The following NLRC3 variants were observed in gnomAD, a reference collection of about 807,000 sequenced individuals.
NLRC3 encodes NLR family CARD domain-containing protein 3.
A neutral mutation model predicts 91.6 loss-of-function variants in NLRC3; 87 were observed. That is an observed-to-expected ratio of 0.95 (90% CI 0.80 to 1.14). NLRC3 has a LOEUF of 1.14. Ranked by LOEUF, NLRC3 falls within the 50% of genes most tolerant of loss-of-function variation. NLRC3 has a pLI of 0.00. For missense variants in NLRC3, 1,577 were observed against 1,418.6 expected (o/e 1.11, Z -1.79); for synonymous variants, 694 against 625.3 (o/e 1.11, Z -1.64).
chr16:3,547,302 C>T (rs1300909381), intron 15 of NLRC3, among the ~76,000 whole-genome samples: 2 of 152,178 alleles, frequency 1.3e-5, no homozygotes, highest in South Asian at 2.1e-4. Context: ...CAAAAGGCCA[C>T]GTGTCGTATG....
At chr16:3,559,795 C>T (rs1410748700) in intron 6 of NLRC3, among the ~76,000 whole-genome samples, 1 of 151,910 alleles carries the variant, frequency 6.6e-6, no homozygotes, top group Non-Finnish European at 1.5e-5. Context: ...CCCACCACCA[C>T]CACGACTGGC....
Position 3,543,457 on chromosome 16 carries a change from G to T in NLRC3, c.2907C>A (p.Ala969=). Residue 969 remains alanine (A), a synonymous_variant, in exon 17 of 20, where the codon GCC becomes GCA. Coordinates refer to ENST00000359128, the MANE Select transcript of NLRC3 (RefSeq NM_178844.4). The part of the protein sequence containing the change: ...GASGAQVLGE[A]LAVNRTLEIL... The stretch of plus-strand genomic sequence containing the variant: ...TCTCCAAGGTTCTGTTCACAGCCAA[G>T]GCTTCCCCTAGCACCTGGGCGCCTG... 6.2e-7 allele frequency: 1 copy of T among 1,613,112 alleles called. No homozygotes were observed. The highest frequency in any genetic ancestry group is 8.5e-7 in the Non-Finnish European group (1 of 1,179,432).
chr16:3,571,001 G>A (rs2040078716), intron 1 of NLRC3, among the ~76,000 whole-genome samples: 1 of 152,120 alleles, frequency 6.6e-6, no homozygotes, highest in South Asian at 2.1e-4. Flanking sequence ...TTCCATATAT[G>A]TAAAAAATGT....
intron 5 of NLRC3, among the ~76,000 whole-genome samples, chr16:3,562,297 T>C (rs1413190744): frequency 1.3e-5 from 2 of 152,166 alleles, no homozygotes; most frequent in Non-Finnish European, 2.9e-5. Context: ...GGTGGGGCCA[T>C]GCTGAAGTGG....
chr16:3,574,007 C>CTTTTTTTTTTTTTT (rs35126359), intron 1 of NLRC3, among the ~76,000 whole-genome samples: 3 of 40,410 alleles, frequency 7.4e-5, no homozygotes, highest in African/African-American at 1.0e-4. Context: ...ACCATTTTAT[C>CTTTTTTTTTTTTTT]TTTTTTTTTT....
chr16:3,576,121 G>C (rs2040282583), intron 1 of NLRC3, among the ~76,000 whole-genome samples: 1 of 152,196 alleles, frequency 6.6e-6, no homozygotes, highest in Admixed American at 6.5e-5. Flanking sequence ...GGTGCAGCCT[G>C]CAGCCTGTGA....
At position 3,556,945 on chromosome 16, in the gene NLRC3, C is replaced by G. The variant is rs746033653; in HGVS notation, c.2149G>C (p.Ala717Pro). ...GPQGAKALAD[A>P]LKINRTLTSL... The stretch of plus-strand genomic sequence containing the variant: ...GTCAGGGTGCGGTTGATCTTCAAAG[C>G]GTCTGCCAGCGCCTTGGCCCCTTGT... The change falls in exon 8 of 20, where the codon GCT becomes CCT. Residue 717 changes from alanine to proline, a missense_variant. Transcript: ENST00000359128. 1 of 1,613,670 alleles carries G rather than the reference C, an allele frequency of 6.2e-7. No individual in the cohort carries two copies. Among genetic ancestry groups the G allele is most frequent in the African/African-American group, 1.3e-5 (1 of 74,918 alleles).
chr16:3,573,534 C>T (rs1226675237), intron 1 of NLRC3, among the ~76,000 whole-genome samples: 2 of 152,158 alleles, frequency 1.3e-5, no homozygotes, highest in Non-Finnish European at 2.9e-5. Flanking sequence ...GATACGGGGT[C>T]CTCTGTCCTT....
intron 1 of NLRC3, among the ~76,000 whole-genome samples, chr16:3,569,397 A>AT (rs1203778704): frequency 0.4 from 16,738 of 41,536 alleles, 5,079 homozygotes; most frequent in Middle Eastern, 0.55. Context: ...TATATATATT[A>AT]TTTTTTTTTT....
At chr16:3,566,724 TAA>T (rs144030899) in intron 2 of NLRC3, among the ~76,000 whole-genome samples, 18 of 123,864 alleles carry the variant, frequency 1.5e-4, no homozygotes, top group African/African-American at 3.6e-4. Flanking sequence ...AAACTCCGTA[TAA>T]AAAAAAAAAA....
At chr16:3,555,229 CAAAAAAAA>C (rs149218240) in intron 8 of NLRC3, among the ~76,000 whole-genome samples, 2 of 82,454 alleles carry the variant, frequency 2.4e-5, no homozygotes, top group African/African-American at 9.6e-5. Context: ...GACTCCGTCT[CAAAAAAAA>C]AAAAAAAAAA....
chr16:3,566,101 CAAA>C (rs1027448717), intron 2 of NLRC3, among the ~76,000 whole-genome samples: 3,371 of 20,930 alleles, frequency 0.16, 12 homozygotes, highest in Non-Finnish European at 0.22. Flanking sequence ...GAGCAAAAAG[CAAA>C]AAAAAAAAAA....
At position 3,564,989 on chromosome 16, in the gene NLRC3, G is replaced by A. The variant is rs767844837; in HGVS notation, c.48C>T (p.His16=). ...VRTGREAGQG[H]GTGSPAEQVK... Reference sequence around the variant, plus strand: ...CCTGCTCGGCTGGGGAGCCCGTACCGTGGCCCTGGCCGGCCTCCCTGCCCG... The same window carrying A: ...CCTGCTCGGCTGGGGAGCCCGTACCATGGCCCTGGCCGGCCTCCCTGCCCG... Residue 16 remains histidine, a synonymous_variant, in exon 4 of 20, where the codon CAC becomes CAT. Transcript: ENST00000359128. The surrounding 1 kb of genome is among the most constrained non-coding windows in gnomAD (Gnocchi z 5.9). 2.6e-5 allele frequency: 42 copies of A among 1,610,356 alleles called. No homozygotes were observed. Among genetic ancestry groups the A allele is most frequent in the African/African-American group, 4.0e-5 (3 of 74,926 alleles).
chr16:3,557,500 A>T, intron 7 of NLRC3, 93 bp downstream of exon 7: 1 of 733,664 alleles, frequency 1.4e-6, no homozygotes, highest in South Asian at 1.7e-5. Context: ...GTAAGACCCA[A>T]GTCATTTCCT....
rs566471963 is a variant in NLRC3 at position 3,563,191 on chromosome 16, G to T, written c.1746C>A (p.Ser582Arg). Reference sequence around the variant, plus strand: ...CCCCGCTCTCCATGGCCTCCTCCACGCTGCGGGCCAGCTCGGTGTGCTGCA... The same window carrying T: ...CCCCGCTCTCCATGGCCTCCTCCACTCTGCGGGCCAGCTCGGTGTGCTGCA... ...HELQHTELAR[S>R]VEEAMESGAL... The change falls in exon 5 of 20, where the codon AGC (serine) becomes AGA (arginine). Residue 582 changes from serine to arginine, a missense_variant. Physicochemically the swap from Ser to Arg is moderately radical, Grantham distance 110. Transcript: ENST00000359128. 6.3e-7 allele frequency: 1 copy of T among 1,595,198 alleles called. No individual in the cohort carries two copies. The highest frequency in any genetic ancestry group is 1.7e-5 in the Admixed American group (1 of 58,290).
rs912959448 is a variant in NLRC3 at position 3,549,194 on chromosome 16, C to T, written c.2551G>A (p.Ala851Thr). ...CAGAGGGCATGAGCGATGGCCTGGGCTCCCTCGGGACTGATGGAGTTTTCT... is the reference window on the plus strand; with the variant it reads ...CAGAGGGCATGAGCGATGGCCTGGGTTCCCTCGGGACTGATGGAGTTTTCT... ...LRENSISPEGAQAIAHALCAN... is the reference protein window; with the variant it reads ...LRENSISPEGTQAIAHALCAN... Residue 851 changes from alanine (A) to threonine (T), a missense_variant, in exon 13 of 20, where the codon GCC becomes ACC. Coordinates refer to ENST00000359128, the MANE Select transcript of NLRC3 (RefSeq NM_178844.4). 3.1e-6 allele frequency: 5 copies of T among 1,588,860 alleles called. No individual in the cohort carries two copies. The highest frequency in any genetic ancestry group is 4.3e-6 in the Non-Finnish European group (5 of 1,167,438).
At chr16:3,567,870 C>G (rs1465841477) in intron 1 of NLRC3, among the ~76,000 whole-genome samples, 1 of 141,388 alleles carries the variant, frequency 7.1e-6, no homozygotes, top group Non-Finnish European at 1.5e-5. Context: ...CTTTTTCTTT[C>G]TTTCTTTTTT....
At chr16:3,558,909 C>A (rs2039479132) in intron 6 of NLRC3, among the ~76,000 whole-genome samples, 2 of 152,076 alleles carry the variant, frequency 1.3e-5, no homozygotes, top group Admixed American at 6.6e-5. Flanking sequence ...GTAACTGGGA[C>A]CAGAGGTGCA....
chr16:3,564,764 G>A lies in NLRC3; in HGVS notation c.179-6C>T. 1 of 1,572,200 alleles carries A rather than the reference G, an allele frequency of 6.4e-7. No individual in the cohort carries two copies. Among genetic ancestry groups the A allele is most frequent in the South Asian group, 1.2e-5 (1 of 86,570 alleles). ...GTGCCTCTGTATCCTTGAGTCTGCG[G>A]GACAGAGGCCAGTGGGGAGGTCTGG... On this transcript the variant is annotated splice_polypyrimidine_tract_variant and splice_region_variant and intron_variant, in intron 4 of 19. Coordinates refer to ENST00000359128, the MANE Select transcript of NLRC3 (RefSeq NM_178844.4). The surrounding 1 kb of genome is among the most constrained non-coding windows in gnomAD (Gnocchi z 5.9).
Sources: gnomAD v4.1 joint callset for allele counts (sites outside exome capture counted in the v4.1 genomes callset) on GRCh38, gnomAD v4.1.1 for gene constraint, Gnocchi (gnomAD v3.1) non-coding constraint, MANE v1.5 for transcripts, NCBI Gene and HGNC (gene_info 2026-07-23, HGNC 2026-07-21) for gene names.